Variants in IQSEC3 observed in about 807,000 individuals in gnomAD.
IQSEC3 encodes IQ motif and SEC7 domain-containing protein 3.
A neutral mutation model predicts 105.4 loss-of-function variants in IQSEC3; 50 were observed. The ratio of observed to expected loss-of-function variants is 0.47; its 90% CI spans 0.38 to 0.60. The LOEUF is 0.60. Among genes scored for constraint, IQSEC3 ranks in the 20% least tolerant of loss-of-function variants. The pLI is 0.00. For synonymous variants in IQSEC3, 708 were observed against 746.0 expected (o/e 0.95, Z 0.83); for missense variants, 1,415 against 1,630.0 (o/e 0.87, Z 2.27).
Position 125,931 on chromosome 12 carries a change from G to T in IQSEC3, c.903+19G>T, listed in dbSNP as rs782208703. On this transcript the variant is annotated intron_variant, in intron 3 of 13. Transcript: ENST00000538872. ...TAAACAGGTACCCAGGGCCTCCTAG[G>T]GGGGCGGGGAGGGTGGTGAAGGGGC... is the stretch of plus-strand genomic sequence containing the variant. The T allele has an allele frequency of 1.8e-5, 27 of 1,528,358 alleles. No homozygotes were observed. In the African/African-American group the frequency reaches 2.2e-4, roughly 13 times the overall value. The allele number at this position is 1,528,358 out of a possible 1,614,324, so 94.7% of individuals were successfully genotyped here.
chr12:80,306 G>A lies in IQSEC3; in HGVS notation c.554+12870G>A, dbSNP rs73599195. On this transcript the variant is annotated intron_variant, in intron 1 of 13. Transcript: ENST00000538872. ...CTCCCCGGGGCTCCCTTTGTTGTCA[G>A]CAGTTATCAAGTTTGGGGGAGCCAT... 9.2e-3 allele frequency among the ~76,000 whole-genome samples: 1,396 copies of A among 152,278 alleles called. 13 individuals carry two copies. Among genetic ancestry groups the A allele is most frequent in the African/African-American group, 0.031 (1,271 of 41,532 alleles).
At chr12:163,469 C>A in intron 8 of IQSEC3, 25 bp from the exon 9 acceptor site, 1 of 1,585,742 alleles carries the variant, frequency 6.3e-7, no homozygotes, top group South Asian at 1.1e-5. Context: ...TGGTCTCTCC[C>A]GCTGAGCGCC....
chr12:167,540 G>C (rs537823408), intron 11 of IQSEC3: 54 of 151,386 alleles, frequency 3.6e-4, no homozygotes, highest in African/African-American at 1.2e-3. Flanking sequence ...GGAAGAGGAA[G>C]GGTAGGCCAG....
intron 1 of IQSEC3, among the ~76,000 whole-genome samples, chr12:79,805 G>T: frequency 6.6e-6 from 1 of 152,034 alleles, no homozygotes; most frequent in East Asian, 1.9e-4. Context: ...CTAACCACTC[G>T]AATTCCTGCC....
chr12:116,023 G>C (rs191311485), intron 2 of IQSEC3, among the ~76,000 whole-genome samples: 145 of 152,212 alleles, frequency 9.5e-4, no homozygotes, highest in African/African-American at 3.3e-3. Flanking sequence ...TAATATTACA[G>C]GAAAAGTGAA....
chr12:132,151 A>C (rs913970675), intron 3 of IQSEC3, among the ~76,000 whole-genome samples: 7 of 152,070 alleles, frequency 4.6e-5, no homozygotes, highest in Admixed American at 4.6e-4. Context: ...CACATTTGAG[A>C]TAGGTCTCGA....
At position 99,263 on chromosome 12, in the gene IQSEC3, G is replaced by A. The variant is rs782235711; in HGVS notation, c.623+49G>A. On this transcript the variant is annotated intron_variant, in intron 2 of 13. Coordinates refer to ENST00000538872, the MANE Select transcript of IQSEC3 (RefSeq NM_001170738.2). Reference sequence around the variant, plus strand: ...CTTCCGCATCCCCACCTTCCTTCCTGTTACAACAAAGCACGTACCACTGCA... The same window carrying A: ...CTTCCGCATCCCCACCTTCCTTCCTATTACAACAAAGCACGTACCACTGCA... 2.6e-6 allele frequency: 4 copies of A among 1,546,468 alleles called. No individual in the cohort carries two copies. The South Asian group carries it at 4.6e-5, about 18-fold the overall frequency.
At chr12:104,277 C>T (rs529584185) in intron 2 of IQSEC3, among the ~76,000 whole-genome samples, 1 of 152,262 alleles carries the variant, frequency 6.6e-6, no homozygotes, top group African/African-American at 2.4e-5. Context: ...AGGTCCAACT[C>T]CTACACACAA....
intron 2 of IQSEC3, among the ~76,000 whole-genome samples, chr12:104,165 A>G (rs1334250178): frequency 6.6e-6 from 1 of 152,132 alleles, no homozygotes; most frequent in Admixed American, 6.5e-5. Flanking sequence ...TGTGAGATAG[A>G]TGTTATTCCC....
chr12:117,835 C>T (rs1233109560), intron 2 of IQSEC3, among the ~76,000 whole-genome samples: 1 of 152,216 alleles, frequency 6.6e-6, no homozygotes. Context: ...CCGGGACAGC[C>T]ACATCTGCCC....
At chr12:102,563 C>G (rs1555076479) in intron 2 of IQSEC3, among the ~76,000 whole-genome samples, 1 of 152,186 alleles carries the variant, frequency 6.6e-6, no homozygotes, top group Non-Finnish European at 1.5e-5. Flanking sequence ...AAAGTCTGCT[C>G]CCTCCCAGAA....
At chr12:122,451 G>A (rs1476981867) in intron 2 of IQSEC3, among the ~76,000 whole-genome samples, 4 of 152,220 alleles carry the variant, frequency 2.6e-5, no homozygotes, top group Non-Finnish European at 5.9e-5. Flanking sequence ...TGTGTGAGGG[G>A]TGGCCCATGA....
At chr12:95,796 T>C (rs1036851574) in intron 1 of IQSEC3, among the ~76,000 whole-genome samples, 1 of 152,346 alleles carries the variant, frequency 6.6e-6, no homozygotes, top group East Asian at 1.9e-4. Context: ...AGAGATAGAC[T>C]GCTAACTAGT....
chr12:156,044 G>A (rs966135551), intron 5 of IQSEC3, among the ~76,000 whole-genome samples: 1 of 152,316 alleles, frequency 6.6e-6, no homozygotes, highest in East Asian at 1.9e-4. Flanking sequence ...GGAGGGTGAG[G>A]CAGGGTGAGG....
intron 9 of IQSEC3, 131 bp downstream of exon 9, chr12:163,750 G>T (rs1867036415): frequency 1.4e-6 from 1 of 725,644 alleles, no homozygotes; most frequent in African/African-American, 1.8e-5. Context: ...TGTTCCGTGG[G>T]ACGGATCTGC....
chr12:100,299 A>G (rs1220871245), intron 2 of IQSEC3, among the ~76,000 whole-genome samples: 2 of 152,202 alleles, frequency 1.3e-5, no homozygotes, highest in Admixed American at 1.3e-4. Context: ...AGACTTGTCC[A>G]CAGTCACAGA....
At chr12:71,710 A>G (rs1284835382) in intron 1 of IQSEC3, among the ~76,000 whole-genome samples, 2 of 152,258 alleles carry the variant, frequency 1.3e-5, no homozygotes. Flanking sequence ...AAACCCTATC[A>G]CTAGGTGAGG....
At chr12:98,682 T>C (rs1415367341) in intron 1 of IQSEC3, among the ~76,000 whole-genome samples, 5 of 152,216 alleles carry the variant, frequency 3.3e-5, no homozygotes, top group Admixed American at 6.5e-5. Flanking sequence ...GAATGTTTTG[T>C]ATCTTTGTAT....
intron 5 of IQSEC3, 33 bp from the exon 6 acceptor site, chr12:156,992 A>G (rs1419225775): frequency 5.2e-6 from 8 of 1,549,836 alleles, no homozygotes; most frequent in Non-Finnish European, 7.0e-6. Flanking sequence ...TTAGGGTGCC[A>G]CCTGACCTCA....
Sources: allele counts gnomAD v4.1 joint callset (sites outside exome capture counted in the v4.1 genomes callset), GRCh38; gene constraint gnomAD v4.1.1; transcripts MANE v1.5; gene names NCBI Gene and HGNC (gene_info 2026-07-23, HGNC 2026-07-21).